GNL2: variants seen among roughly 807,000 people sequenced by gnomAD.
GNL2 encodes G protein nucleolar 2, also known as nucleolar GTP-binding protein 2.
Under a neutral mutation model 92.3 loss-of-function variants are expected in GNL2, and 51 were observed. That is an observed-to-expected ratio of 0.55 (90% CI 0.44 to 0.70). The LOEUF is 0.70. GNL2 is among the 30% of genes least tolerant of loss of function. The probability of loss-of-function intolerance (pLI) is 0.00; values close to 1 mark genes in which losing one functional copy is unlikely to be tolerated. For synonymous variants in GNL2, 283 were observed against 300.6 expected (o/e 0.94, Z 0.61); for missense variants, 844 against 895.6 (o/e 0.94, Z 0.74).
intron 8 of GNL2, among the ~76,000 whole-genome samples, chr1:37,577,247 C>T (rs72659406): frequency 6.6e-6 from 1 of 152,156 alleles, no homozygotes; most frequent in Non-Finnish European, 1.5e-5. Context: ...ACTCACCCCC[C>T]CTTTTCTTTG....
intron 8 of GNL2, among the ~76,000 whole-genome samples, chr1:37,577,583 G>A (rs1643698919): frequency 6.6e-6 from 1 of 152,160 alleles, no homozygotes; most frequent in Admixed American, 6.5e-5. Context: ...ATGCTTAAAA[G>A]TAGTATCAAA....
chr1:37,568,007 C>T (rs1190175547), intron 14 of GNL2: 2 of 591,118 alleles, frequency 3.4e-6, no homozygotes, highest in South Asian at 2.1e-5. Context: ...ACACACCCCC[C>T]TCTTTGTCTG....
chr1:37,580,237 T>C (rs1446368525), intron 8 of GNL2, among the ~76,000 whole-genome samples: 1 of 152,080 alleles, frequency 6.6e-6, no homozygotes, highest in Admixed American at 6.5e-5. Context: ...AGTTTGAGGT[T>C]ACAGTGAGCT....
chr1:37,591,769 A>G (rs1451160783), intron 3 of GNL2, among the ~76,000 whole-genome samples: 1 of 152,110 alleles, frequency 6.6e-6, no homozygotes, highest in Non-Finnish European at 1.5e-5. Flanking sequence ...GGCCTCCCAA[A>G]GTGCTGGGAT....
intron 5 of GNL2, among the ~76,000 whole-genome samples, chr1:37,584,418 GC>G (rs1643819535): frequency 6.7e-6 from 1 of 148,194 alleles, no homozygotes; most frequent in South Asian, 2.1e-4. Flanking sequence ...TACTGCTCCA[GC>G]CTGGGTGACA....
chr1:37,572,964 G>A (rs1036724791), intron 12 of GNL2, among the ~76,000 whole-genome samples: 23 of 152,166 alleles, frequency 1.5e-4, no homozygotes, highest in African/African-American at 4.8e-4. Context: ...GGTGTCAGAA[G>A]AAACCACACA....
In GNL2 at chr1:37,595,870, G is replaced by C; in HGVS notation, c.-48C>G. 6.5e-7 allele frequency: 1 copy of C among 1,539,482 alleles called. No homozygotes were observed. The highest frequency in any genetic ancestry group is 9.0e-7 in the Non-Finnish European group (1 of 1,111,988). ...GAGTGCGAGGTCCGGCTTACGTGGT[G>C]AAACAAACTTTTATGTTCCCAAGCC... On this transcript the variant is annotated 5_prime_UTR_variant, in exon 1 of 16. Coordinates refer to ENST00000373062, the MANE Select transcript of GNL2 (RefSeq NM_013285.3).
At chr1:37,595,308 C>G (rs1303517593) in intron 1 of GNL2, among the ~76,000 whole-genome samples, 3 of 152,228 alleles carry the variant, frequency 2.0e-5, no homozygotes, top group Non-Finnish European at 4.4e-5. Flanking sequence ...GTAGGGTTCT[C>G]TAAGCACTTT....
In GNL2 at chr1:37,566,967, C is replaced by G. The variant is rs368821447; in HGVS notation, c.2084G>C (p.Gly695Ala). 6.2e-7 allele frequency: 1 copy of G among 1,613,998 alleles called. No homozygotes were observed. Among genetic ancestry groups the G allele is most frequent in the South Asian group, 1.1e-5 (1 of 91,070 alleles). ...GTTGTGTGTTTCATAGTAGCGCACACCAACTTTTTTCGGCCGTTGCTGTCG... is the reference window on the plus strand; with the variant it reads ...GTTGTGTGTTTCATAGTAGCGCACAGCAACTTTTTTCGGCCGTTGCTGTCG... ...AVRQQRPKKV[G>A]VRYYETHNVK... is the part of the protein sequence containing the mutation. Residue 695 changes from glycine to alanine, a missense_variant, in exon 16 of 16, where the codon GGT becomes GCT. Gly to Ala is a moderately conservative substitution (Grantham distance 60). Transcript: ENST00000373062.
intron 13 of GNL2, 25 bp downstream of exon 13, chr1:37,568,826 A>G (rs1409367896): frequency 1.3e-6 from 2 of 1,574,542 alleles, no homozygotes; most frequent in Admixed American, 1.7e-5. Context: ...AAAATCTGCA[A>G]TTTGTGAGAA....
intron 14 of GNL2, 99 bp from the exon 15 acceptor site, chr1:37,567,863 A>C (rs1643531616): frequency 1.1e-6 from 1 of 891,544 alleles, no homozygotes; most frequent in Admixed American, 1.9e-5. Context: ...GAGGACACCC[A>C]ATGTGGACAG....
Position 37,566,856 on chromosome 1 carries a change from T to C in GNL2, c.2195A>G (p.Ter732=), listed in dbSNP as rs778390098. The change falls in exon 16 of 16, where the codon TAA becomes TGA. Residue 732 remains the stop codon, a stop_retained_variant. Transcript: ENST00000373062. ...HKRKKFRQKQ[*] ...AATTTAATAAAAACCTTTTAAACAT[T>C]ACTGCTTTTGTCTGAATTTTTTGCG... 6.2e-7 allele frequency: 1 copy of C among 1,612,510 alleles called. No homozygotes were observed. Among genetic ancestry groups the C allele is most frequent in the Non-Finnish European group, 8.5e-7 (1 of 1,179,340 alleles).
Position 37,590,892 on chromosome 1 carries a change from T to C in GNL2, c.245-47A>G, listed in dbSNP as rs762960432. The C allele has an allele frequency of 2.7e-6, 4 of 1,458,862 alleles. No homozygotes were observed. In the Admixed American group the frequency reaches 6.4e-5, roughly 23 times the overall value. The allele number at this position is 1,458,862 out of a possible 1,614,324, so 90.4% of individuals were successfully genotyped here. A position where few individuals can be genotyped will look rare whatever the true frequency, so the allele number is the denominator to read the frequency against. On this transcript the variant is annotated intron_variant, in intron 3 of 15. Transcript: ENST00000373062. ...TTGCCACTTAGTTAATATTTGCGCATCCATCTTCCACTGACACGGTGAAAG... is the reference window on the plus strand; with the variant it reads ...TTGCCACTTAGTTAATATTTGCGCACCCATCTTCCACTGACACGGTGAAAG...
intron 5 of GNL2, 37 bp from the exon 6 acceptor site, chr1:37,583,970 AC>A: frequency 9.0e-7 from 1 of 1,113,364 alleles, no homozygotes; most frequent in South Asian, 1.2e-5. Context: ...CAACTGAAGC[AC>A]CATCAAGACT....
At chr1:37,567,143 A>G (rs774463663) in intron 15 of GNL2, 136 bp from the exon 16 acceptor site, 15 of 874,760 alleles carry the variant, frequency 1.7e-5, no homozygotes, top group Non-Finnish European at 2.6e-5. Flanking sequence ...AAGCAGTGCT[A>G]ATGAGGGAGG....
chr1:37,586,991 G>A (rs752687704), intron 5 of GNL2, among the ~76,000 whole-genome samples: 7 of 152,108 alleles, frequency 4.6e-5, no homozygotes, highest in African/African-American at 7.2e-5. Flanking sequence ...CCTCGACCGG[G>A]TGCAGTGGCT....
Position 37,582,287 on chromosome 1 carries a change from T to TGC in GNL2, c.844_845insGC (p.His282ArgfsTer46). ...GCCAAACGGGTTAGTAAGGCTTGCA[T>TGC]GGAAAGCAAGTGTTGGATAATCCTG... On this transcript the variant is annotated frameshift_variant, in exon 8 of 16. Transcript: ENST00000373062. LOFTEE classifies it high-confidence loss of function. 1 of 1,613,656 alleles carries TGC rather than the reference T, an allele frequency of 6.2e-7. No individual in the cohort carries two copies. Among genetic ancestry groups the TGC allele is most frequent in the Non-Finnish European group, 8.5e-7 (1 of 1,179,818 alleles).
intron 2 of GNL2, 83 bp downstream of exon 2, chr1:37,593,679 A>G (rs996530733): frequency 3.4e-6 from 3 of 871,496 alleles, no homozygotes; most frequent in African/African-American, 3.4e-5. Context: ...AGTGGGGGTG[A>G]GAACAGCAAA....
intron 8 of GNL2, 33 bp from the exon 9 acceptor site, chr1:37,576,589 G>A (rs755499723): frequency 2.5e-6 from 4 of 1,606,016 alleles, no homozygotes; most frequent in South Asian, 1.1e-5. Flanking sequence ...GCACATACAT[G>A]CAGTCATATA....
Sources: allele counts gnomAD v4.1 joint callset (sites outside exome capture counted in the v4.1 genomes callset), GRCh38; gene constraint gnomAD v4.1.1; transcripts MANE v1.5; gene names NCBI Gene and HGNC (gene_info 2026-07-23, HGNC 2026-07-21).